Variants in TMEM132C observed in about 807,000 individuals in gnomAD.
TMEM132C encodes the protein transmembrane protein 132C.
TMEM132C carries 29 observed loss-of-function variants against 61.4 expected under a neutral mutation model. The ratio of observed to expected loss-of-function variants is 0.47; its 90% CI spans 0.35 to 0.64. TMEM132C has a LOEUF of 0.64. Ranked by LOEUF, TMEM132C falls within the 30% of genes least tolerant of loss-of-function variation. The pLI is 0.00. For missense variants in TMEM132C, 1,408 were observed against 1,476.9 expected, an observed-to-expected ratio of 0.95 and a Z score of 0.76; for synonymous variants, 656 against 633.1, an observed-to-expected ratio of 1.04 and a Z score of -0.54.
intron 2 of TMEM132C, among the ~76,000 whole-genome samples, chr12:128,420,506 C>T (rs1396947860): frequency 6.6e-6 from 1 of 152,134 alleles, no homozygotes; most frequent in Non-Finnish European, 1.5e-5. Flanking sequence ...ATTCACATCA[C>T]CTTGAACTTT....
chr12:128,597,395 T>C (rs1565986118), intron 3 of TMEM132C, among the ~76,000 whole-genome samples: 1 of 151,838 alleles, frequency 6.6e-6, no homozygotes, highest in Admixed American at 6.6e-5. Context: ...GGAGAATCAC[T>C]TGAACCTGGG....
At chr12:128,559,447 G>A (rs1402658355) in intron 3 of TMEM132C, among the ~76,000 whole-genome samples, 1 of 152,048 alleles carries the variant, frequency 6.6e-6, no homozygotes, top group Non-Finnish European at 1.5e-5. Flanking sequence ...GTACTTCTGT[G>A]ATCATATTCG....
At chr12:128,392,064 T>TTCTCTCTCTCTCTCTCTC (rs34334973) in intron 1 of TMEM132C, among the ~76,000 whole-genome samples, 2 of 130,494 alleles carry the variant, frequency 1.5e-5, no homozygotes, top group Non-Finnish European at 3.1e-5. Context: ...CTCTCTCTCT[T>TTCTCTCTCTCTCTCTCTC]TCTCTCTCTC....
chr12:128,705,554 C>T lies in TMEM132C; in HGVS notation c.2586C>T (p.Ser862=), dbSNP rs1409671768. ...ALRRATTTAR[S]LLDNKVVKNS... ...GAAGAGCCACTACCACGGCCAGGTC[C>T]CTGCTGGACAACAAAGTGGTGAAGA... Residue 862 remains serine (S), a synonymous_variant, in exon 9 of 9, where the codon TCC becomes TCT. Transcript: ENST00000435159. The T allele has an allele frequency of 6.4e-7, 1 of 1,551,130 alleles. No individual in the cohort carries two copies. The highest frequency in any genetic ancestry group is 1.2e-5 in the South Asian group (1 of 84,064).
At chr12:128,501,296 G>A (rs900753503) in intron 2 of TMEM132C, among the ~76,000 whole-genome samples, 1 of 152,120 alleles carries the variant, frequency 6.6e-6, no homozygotes, top group Non-Finnish European at 1.5e-5. Flanking sequence ...GAAGGCTGGT[G>A]GTCAATTTTG....
At chr12:128,393,973 G>A (rs919443499) in intron 1 of TMEM132C, among the ~76,000 whole-genome samples, 9 of 152,106 alleles carry the variant, frequency 5.9e-5, no homozygotes, top group African/African-American at 1.9e-4. Context: ...CTTTAAAGAC[G>A]GTGTATTAGT....
intron 2 of TMEM132C, among the ~76,000 whole-genome samples, chr12:128,521,092 C>T (rs566604564): frequency 1.3e-5 from 2 of 152,208 alleles, no homozygotes; most frequent in South Asian, 4.2e-4. Flanking sequence ...AATTCTTACA[C>T]TGATCATCAA....
intron 8 of TMEM132C, among the ~76,000 whole-genome samples, chr12:128,699,528 C>A (rs1485141131): frequency 6.6e-6 from 1 of 152,226 alleles, no homozygotes; most frequent in African/African-American, 2.4e-5. Context: ...TCAGTCCCCA[C>A]CCTACCTTCA....
At chr12:128,605,332 G>A (rs1876383797) in intron 3 of TMEM132C, among the ~76,000 whole-genome samples, 1 of 152,142 alleles carries the variant, frequency 6.6e-6, no homozygotes, top group Admixed American at 6.5e-5. Context: ...GATGTCCCAG[G>A]CAATCAGACA....
intron 1 of TMEM132C, among the ~76,000 whole-genome samples, chr12:128,348,131 T>C (rs1035937014): frequency 4.6e-5 from 7 of 152,248 alleles, no homozygotes; most frequent in Non-Finnish European, 1.0e-4. Context: ...GTCTGTAGTT[T>C]TCTGAGTACA....
intron 2 of TMEM132C, among the ~76,000 whole-genome samples, chr12:128,417,315 TC>T (rs1368835847): frequency 6.6e-6 from 1 of 152,160 alleles, no homozygotes; most frequent in Non-Finnish European, 1.5e-5. Context: ...TTTGTTAATG[TC>T]CCTCTTCAGA....
chr12:128,696,191 C>T (rs1165450943), intron 7 of TMEM132C, 88 bp downstream of exon 7: 23 of 1,463,014 alleles, frequency 1.6e-5, no homozygotes, highest in Non-Finnish European at 1.9e-5. Flanking sequence ...TCACTGTGGC[C>T]GATTCCCCAA....
chr12:128,386,740 G>A (rs1278663591), intron 1 of TMEM132C, among the ~76,000 whole-genome samples: 6 of 152,124 alleles, frequency 3.9e-5, no homozygotes, highest in South Asian at 2.1e-4. Context: ...GGCAGAGAAA[G>A]GGGACACATT....
At chr12:128,551,191 A>C in intron 3 of TMEM132C, among the ~76,000 whole-genome samples, 2 of 149,598 alleles carry the variant, frequency 1.3e-5, no homozygotes, top group African/African-American at 5.0e-5. Flanking sequence ...CCAAACTGAG[A>C]CTCTCAGAAA....
At chr12:128,501,114 C>T (rs537902483) in intron 2 of TMEM132C, among the ~76,000 whole-genome samples, 2 of 152,282 alleles carry the variant, frequency 1.3e-5, no homozygotes, top group South Asian at 4.2e-4. Context: ...TTCTCACCTT[C>T]CCTTTGCATA....
chr12:128,299,802 A>G (rs894497423), intron 1 of TMEM132C, among the ~76,000 whole-genome samples: 7 of 152,150 alleles, frequency 4.6e-5, no homozygotes, highest in Non-Finnish European at 8.8e-5. Context: ...TCTTCACTCT[A>G]TGAAATGTGG....
intron 2 of TMEM132C, among the ~76,000 whole-genome samples, chr12:128,536,918 A>G (rs1873554081): frequency 6.6e-6 from 1 of 152,206 alleles, no homozygotes; most frequent in Non-Finnish European, 1.5e-5. Flanking sequence ...CAGGCTGGGA[A>G]GTGTAGCCTC....
chr12:128,317,751 G>A (rs913453389), intron 1 of TMEM132C, among the ~76,000 whole-genome samples: 8 of 152,162 alleles, frequency 5.3e-5, no homozygotes, highest in Non-Finnish European at 1.5e-5. Context: ...CAGTCTTGGT[G>A]ACACCCACCT....
intron 2 of TMEM132C, among the ~76,000 whole-genome samples, chr12:128,500,592 G>T (rs938980064): frequency 5.3e-5 from 8 of 152,128 alleles, no homozygotes; most frequent in Middle Eastern, 3.4e-3. Flanking sequence ...ATACAAAATG[G>T]TGCCCAACAT....
Sources: gnomAD v4.1 joint callset for allele counts (sites outside exome capture counted in the v4.1 genomes callset) on GRCh38, gnomAD v4.1.1 for gene constraint, MANE v1.5 for transcripts, NCBI Gene and HGNC (gene_info 2026-07-23, HGNC 2026-07-21) for gene names.